ZNF503: variants seen among roughly 807,000 people sequenced by gnomAD.
The protein encoded by ZNF503 is zinc finger protein 503.
A neutral mutation model predicts 34.4 loss-of-function variants in ZNF503; 15 were observed. The ratio of observed to expected loss-of-function variants is 0.44; its 90% CI spans 0.29 to 0.67. The LOEUF (loss-of-function observed/expected upper bound fraction) is 0.67, where lower values mean the gene tolerates loss of function less well. Ranked by LOEUF, ZNF503 falls within the 30% of genes least tolerant of loss-of-function variation. The pLI is 0.13. For missense variants in ZNF503, 1,007 were observed against 926.8 expected (o/e 1.09, Z -1.12); for synonymous variants, 580 against 456.8 (o/e 1.27, Z -3.44).
Position 75,399,168 on chromosome 10 carries a change from G to A in ZNF503, c.1522C>T (p.Pro508Ser), listed in dbSNP as rs1843745217. 6.2e-7 allele frequency: 1 copy of A among 1,612,372 alleles called. No individual in the cohort carries two copies. The highest frequency in any genetic ancestry group is 1.3e-5 in the African/African-American group (1 of 75,028). The part of the protein sequence containing the change: ...HPLYPYGFML[P>S]NDPLPHICNW... ...CAGATGTGGGGGAGTGGGTCGTTAG[G>A]GAGCATAAAGCCGTAGGGGTAGAGG... The change falls in exon 2 of 2, where the codon CCT becomes TCT. Residue 508 changes from proline (P) to serine (S), a missense_variant. Pro to Ser is a moderately conservative substitution (Grantham distance 74). Coordinates refer to ENST00000372524, the MANE Select transcript of ZNF503 (RefSeq NM_032772.6).
At chr10:75,362,084 C>A in the ZNF503 span, among the ~76,000 whole-genome samples, 1 of 152,212 alleles carries the variant, frequency 6.6e-6, no homozygotes, top group Non-Finnish European at 1.5e-5. Flanking sequence ...AGGGCTGCAA[C>A]TGAACAGTGT....
the ZNF503 span, among the ~76,000 whole-genome samples, chr10:75,342,591 T>C: frequency 7.1e-3 from 1,061 of 150,244 alleles, 10 homozygotes; most frequent in Non-Finnish European, 9.3e-3. Flanking sequence ...GAGGATTTAA[T>C]AGGGGATTTC....
chr10:75,388,272 G>A, the ZNF503 span, among the ~76,000 whole-genome samples: 193 of 152,250 alleles, frequency 1.3e-3, no homozygotes, highest in African/African-American at 3.1e-3. Flanking sequence ...CTTTGGTTGC[G>A]GGGGAATCTT....
chr10:75,390,054 C>T, the ZNF503 span, among the ~76,000 whole-genome samples: 17 of 151,948 alleles, frequency 1.1e-4, no homozygotes, highest in South Asian at 6.2e-4. Flanking sequence ...CCACCACGCC[C>T]GGCTAATTTT....
chr10:75,281,790 A>C, the ZNF503 span, among the ~76,000 whole-genome samples: 1 of 152,210 alleles, frequency 6.6e-6, no homozygotes, highest in Non-Finnish European at 1.5e-5. Context: ...TCACACATAG[A>C]TCCATAGACC....
chr10:75,342,359 T>C, the ZNF503 span, among the ~76,000 whole-genome samples: 3 of 152,100 alleles, frequency 2.0e-5, no homozygotes, highest in East Asian at 5.8e-4. Context: ...AGGAGTCTTA[T>C]TGGGGAACGC....
At chr10:75,308,238 T>C in the ZNF503 span, among the ~76,000 whole-genome samples, 1 of 135,604 alleles carries the variant, frequency 7.4e-6, no homozygotes, top group African/African-American at 2.9e-5. Context: ...TATGGAAAAA[T>C]TGCAAGACAG....
chr10:75,339,665 T>G, the ZNF503 span, among the ~76,000 whole-genome samples: 1 of 152,170 alleles, frequency 6.6e-6, no homozygotes, highest in African/African-American at 2.4e-5. Flanking sequence ...AAGCCACCTG[T>G]GCCTTGGTGA....
the ZNF503 span, among the ~76,000 whole-genome samples, chr10:75,304,937 A>G: frequency 7.2e-5 from 11 of 152,302 alleles, no homozygotes; most frequent in African/African-American, 9.6e-5. Flanking sequence ...CTATGTAGAA[A>G]TCCAAACAGT....
the ZNF503 span, chr10:75,361,247 T>C: frequency 2.0e-5 from 3 of 152,228 alleles, no homozygotes; most frequent in Non-Finnish European, 4.4e-5. Flanking sequence ...TAGTGTTGTT[T>C]TAAAATTCAG....
the ZNF503 span, among the ~76,000 whole-genome samples, chr10:75,362,745 C>G: frequency 6.6e-6 from 1 of 152,130 alleles, no homozygotes; most frequent in Non-Finnish European, 1.5e-5. Flanking sequence ...TGATGTCACT[C>G]AGCTAATAGT....
At chr10:75,308,772 C>T in the ZNF503 span, among the ~76,000 whole-genome samples, 17 of 152,236 alleles carry the variant, frequency 1.1e-4, no homozygotes, top group East Asian at 2.3e-3. Flanking sequence ...AAGTGGAGCC[C>T]GAACATATGA....
At chr10:75,335,206 G>T in the ZNF503 span, among the ~76,000 whole-genome samples, 1 of 152,340 alleles carries the variant, frequency 6.6e-6, no homozygotes, top group East Asian at 1.9e-4. Flanking sequence ...GAATGTGTGT[G>T]TGTGTGTATG....
At chr10:75,372,501 TTTCTGTAAGCACCTGCC>T in the ZNF503 span, among the ~76,000 whole-genome samples, 1 of 152,174 alleles carries the variant, frequency 6.6e-6, no homozygotes, top group African/African-American at 2.4e-5. Flanking sequence ...GTGCACAGGT[TTTCTGTAAGCACCTGCC>T]TGACTCAATG....
At chr10:75,312,636 G>C in the ZNF503 span, among the ~76,000 whole-genome samples, 1 of 152,110 alleles carries the variant, frequency 6.6e-6, no homozygotes, top group Non-Finnish European at 1.5e-5. Context: ...AAGAAGCTGG[G>C]TGAAATCCAA....
the ZNF503 span, among the ~76,000 whole-genome samples, chr10:75,302,839 G>C: frequency 6.6e-6 from 1 of 152,214 alleles, no homozygotes; most frequent in African/African-American, 2.4e-5. Context: ...GCTGCTGGTT[G>C]TCATGGTGCT....
the ZNF503 span, among the ~76,000 whole-genome samples, chr10:75,290,710 A>G: frequency 6.6e-6 from 1 of 152,224 alleles, no homozygotes; most frequent in African/African-American, 2.4e-5. Flanking sequence ...CCACATCCAT[A>G]AACTTAGGAA....
At chr10:75,396,377 C>T (rs1034321648), downstream of ZNF503, among the ~76,000 whole-genome samples, 4 of 152,164 alleles carry the variant, frequency 2.6e-5, no homozygotes, top group Admixed American at 1.3e-4. The surrounding 1 kb of genome is among the most constrained non-coding windows in gnomAD (Gnocchi z 4.4). Context: ...GAGCCAGAGT[C>T]CCCACCAAGT....
chr10:75,370,380 A>G, the ZNF503 span, among the ~76,000 whole-genome samples: 2 of 152,206 alleles, frequency 1.3e-5, no homozygotes, highest in Non-Finnish European at 2.9e-5. Flanking sequence ...CTATTCTGGC[A>G]CACAAATCAA....
Sources: gnomAD v4.1 joint callset for allele counts (sites outside exome capture counted in the v4.1 genomes callset) on GRCh38, gnomAD v4.1.1 for gene constraint, Gnocchi (gnomAD v3.1) non-coding constraint, MANE v1.5 for transcripts, NCBI Gene and HGNC (gene_info 2026-07-23, HGNC 2026-07-21) for gene names.